The following PSEN2 variants were observed in gnomAD, a reference collection of about 807,000 sequenced individuals.
The protein encoded by PSEN2 is presenilin-2.
Under a neutral mutation model 49.1 loss-of-function variants are expected in PSEN2, and 32 were observed. The ratio of observed to expected loss-of-function variants is 0.65; its 90% CI spans 0.49 to 0.88. The LOEUF (loss-of-function observed/expected upper bound fraction) is 0.88, where lower values mean the gene tolerates loss of function less well. PSEN2 is among the 40% of genes least tolerant of loss of function. The pLI is 0.00. For synonymous variants in PSEN2, 255 were observed against 244.0 expected (o/e 1.05, Z -0.42); for missense variants, 522 against 586.9 (o/e 0.89, Z 1.14).
At chr1:226,881,178 C>G (rs1468931885) in intron 3 of PSEN2, among the ~76,000 whole-genome samples, 1 of 152,208 alleles carries the variant, frequency 6.6e-6, no homozygotes, top group East Asian at 1.9e-4. Flanking sequence ...CACTTTCCCT[C>G]TCTGGTCAGT....
chr1:226,880,707 C>T (rs1026992574), intron 3 of PSEN2: 23 of 1,612,932 alleles, frequency 1.4e-5, no homozygotes, highest in Non-Finnish European at 1.9e-5. Context: ...GCCCAGAAAC[C>T]TGCATGTGTA....
rs772372158 is a variant in PSEN2 at position 226,883,782 on chromosome 1, A to G, written c.219A>G (p.Pro73=). ...GTAGTGGGGTTCCCGGGCGGCCGCC[A>G]GGCCTGGAGGAAGAGCTGACCCTCA... is the stretch of plus-strand genomic sequence containing the variant. ...YVCSGVPGRP[P]GLEEELTLKY... Residue 73 remains proline, a synonymous_variant, in exon 5 of 13, where the codon CCA becomes CCG. Coordinates refer to ENST00000366783, the MANE Select transcript of PSEN2 (RefSeq NM_000447.3). 2 of 1,614,208 alleles carry G rather than the reference A, an allele frequency of 1.2e-6. No individual in the cohort carries two copies. The highest frequency in any genetic ancestry group is 1.7e-6 in the Non-Finnish European group (2 of 1,180,040).
At chr1:226,886,388 T>TG (rs1157370227) in intron 6 of PSEN2, among the ~76,000 whole-genome samples, 2 of 152,206 alleles carry the variant, frequency 1.3e-5, no homozygotes, top group Non-Finnish European at 2.9e-5. Flanking sequence ...CTTGCAGCCC[T>TG]GGGAGACTTT....
At chr1:226,884,178 T>A (rs954158328) in intron 5 of PSEN2, among the ~76,000 whole-genome samples, 2 of 152,186 alleles carry the variant, frequency 1.3e-5, no homozygotes, top group African/African-American at 4.8e-5. Context: ...CTGGGAGAAT[T>A]AAGTGAGTTA....
chr1:226,879,159 G>C (rs1168409529), intron 3 of PSEN2, among the ~76,000 whole-genome samples: 1 of 152,208 alleles, frequency 6.6e-6, no homozygotes, highest in South Asian at 2.1e-4. Flanking sequence ...GGCGTGAGCC[G>C]AGCCACCATA....
At chr1:226,893,928 C>T in intron 11 of PSEN2, 79 bp from the exon 12 acceptor site, 4 of 1,298,142 alleles carry the variant, frequency 3.1e-6, no homozygotes, top group Non-Finnish European at 3.4e-6. Context: ...AGCAGCTGGG[C>T]CTTCTGGGCC....
chr1:226,881,254 G>A (rs1370919797), intron 3 of PSEN2, among the ~76,000 whole-genome samples: 1 of 152,148 alleles, frequency 6.6e-6, no homozygotes, highest in African/African-American at 2.4e-5. Flanking sequence ...AGGGTGATGT[G>A]TGTCTCCTTA....
intron 8 of PSEN2, among the ~76,000 whole-genome samples, chr1:226,889,478 T>G (rs987015594): frequency 6.6e-6 from 1 of 152,184 alleles, no homozygotes; most frequent in Non-Finnish European, 1.5e-5. Context: ...GGTTTCACCA[T>G]GTTGGCCAGG....
chr1:226,881,297 G>A (rs1660971935), intron 3 of PSEN2, among the ~76,000 whole-genome samples: 2 of 152,084 alleles, frequency 1.3e-5, no homozygotes, highest in African/African-American at 4.8e-5. Context: ...CATCTCCACT[G>A]CCCGCCCCAC....
At chr1:226,891,897 CAG>C (rs762769497) in intron 11 of PSEN2, 53 bp downstream of exon 11, 6 of 1,547,386 alleles carry the variant, frequency 3.9e-6, no homozygotes, top group African/African-American at 1.4e-5. Flanking sequence ...GGAGCGGAGA[CAG>C]AGGGTGGAGG....
At chr1:226,880,033 G>C (rs915161840) in intron 3 of PSEN2, among the ~76,000 whole-genome samples, 4 of 152,220 alleles carry the variant, frequency 2.6e-5, no homozygotes. Context: ...TTGTTAAGGG[G>C]ATTGAAATTG....
intron 9 of PSEN2, 65 bp from the exon 10 acceptor site, chr1:226,891,213 C>A: frequency 6.9e-7 from 1 of 1,453,854 alleles, no homozygotes; most frequent in East Asian, 2.3e-5. Flanking sequence ...TGGCCACCTC[C>A]CCCAGGCCCT....
At chr1:226,897,476 G>A (rs548710899), downstream of PSEN2, 2 of 154,988 alleles carry the variant, frequency 1.3e-5, no homozygotes, top group East Asian at 3.9e-4. Context: ...AGAAAACAAG[G>A]ACATGTGAGA....
downstream of PSEN2, among the ~76,000 whole-genome samples, chr1:226,901,531 A>G (rs1662321249): frequency 3.3e-5 from 5 of 151,946 alleles, no homozygotes; most frequent in South Asian, 1.0e-3. Context: ...AGACCAATCT[A>G]GGCAACATGG....
intron 5 of PSEN2, among the ~76,000 whole-genome samples, chr1:226,884,983 A>G (rs532261426): frequency 2.6e-5 from 4 of 152,266 alleles, no homozygotes; most frequent in African/African-American, 7.2e-5. Flanking sequence ...TGGGGGATTC[A>G]GCGCAGAACA....
At chr1:226,891,442 T>A in intron 10 of PSEN2, 81 bp downstream of exon 10, 1 of 1,274,088 alleles carries the variant, frequency 7.8e-7, no homozygotes, top group Non-Finnish European at 1.1e-6. Context: ...CGGCCTGGCT[T>A]CCCTGAGAGG....
intron 12 of PSEN2, 98 bp from the exon 13 acceptor site, chr1:226,895,326 C>A: frequency 7.0e-7 from 1 of 1,433,962 alleles, no homozygotes; most frequent in Non-Finnish European, 9.7e-7. Context: ...TCCGACTGGT[C>A]CTCGAACAAG....
intron 11 of PSEN2, among the ~76,000 whole-genome samples, chr1:226,892,201 C>T (rs944556161): frequency 6.6e-6 from 1 of 152,096 alleles, no homozygotes; most frequent in Non-Finnish European, 1.5e-5. Context: ...GAGCATGCCA[C>T]GGGGCTTCTT....
chr1:226,901,875 C>G (rs1274339701), intron 12 of PSEN2, among the ~76,000 whole-genome samples: 1 of 152,168 alleles, frequency 6.6e-6, no homozygotes, highest in Non-Finnish European at 1.5e-5. Flanking sequence ...TAATTTTCCC[C>G]TAAGGAAGGC....
Sources: gnomAD v4.1 joint callset for allele counts (sites outside exome capture counted in the v4.1 genomes callset) on GRCh38, gnomAD v4.1.1 for gene constraint, MANE v1.5 for transcripts, NCBI Gene and HGNC (gene_info 2026-07-23, HGNC 2026-07-21) for gene names.